NTRK2: variants seen among roughly 807,000 people sequenced by gnomAD.
NTRK2 encodes the protein neurotrophic receptor tyrosine kinase 2.
In NTRK2, 13 loss-of-function variants were observed where a neutral mutation model predicts 94.5. The ratio of observed to expected loss-of-function variants is 0.14; its 90% CI spans 0.09 to 0.22. The LOEUF is 0.22. Among genes scored for constraint, NTRK2 ranks in the 10% least tolerant of loss-of-function variants. NTRK2 has a pLI of 1.00. For synonymous variants in NTRK2, 372 were observed against 407.4 expected (o/e 0.91, Z 1.05); for missense variants, 639 against 1,071.2 (o/e 0.60, Z 5.63).
At chr9:84,856,889 A>T (rs1234430929) in intron 12 of NTRK2, among the ~76,000 whole-genome samples, 1 of 152,186 alleles carries the variant, frequency 6.6e-6, no homozygotes, top group Non-Finnish European at 1.5e-5. Context: ...TTTTTCTGAA[A>T]CTTAAAAATA....
At chr9:84,860,062 A>C (rs934130589) in intron 12 of NTRK2, among the ~76,000 whole-genome samples, 1 of 152,220 alleles carries the variant, frequency 6.6e-6, no homozygotes, top group Non-Finnish European at 1.5e-5. Flanking sequence ...TTGAGTGTGC[A>C]AAGTGCTTTT....
At chr9:84,683,977 G>C (rs990556045) in intron 2 of NTRK2, among the ~76,000 whole-genome samples, 32 of 152,042 alleles carry the variant, frequency 2.1e-4, no homozygotes, top group African/African-American at 7.2e-4. Context: ...TCATCTGTTT[G>C]TTGGCCACAT....
chr9:84,814,250 A>G, intron 12 of NTRK2: 1 of 1,065,306 alleles, frequency 9.4e-7, no homozygotes, highest in Non-Finnish European at 1.1e-6. Flanking sequence ...TAGGCCCAGA[A>G]TGGCTGAGGC....
chr9:84,888,888 AC>A (rs1326171539), intron 14 of NTRK2, among the ~76,000 whole-genome samples: 1 of 151,252 alleles, frequency 6.6e-6, no homozygotes, highest in Non-Finnish European at 1.5e-5. Context: ...AAGTCACACA[AC>A]CTGCTTTAGT....
intron 9 of NTRK2, among the ~76,000 whole-genome samples, chr9:84,740,674 A>G (rs907868953): frequency 6.6e-6 from 1 of 152,230 alleles, no homozygotes; most frequent in African/African-American, 2.4e-5. Context: ...CGAAGCATGC[A>G]CTATACAGCA....
intron 12 of NTRK2, among the ~76,000 whole-genome samples, chr9:84,786,436 C>T (rs35138510): frequency 0.026 from 3,945 of 152,170 alleles, 76 homozygotes; most frequent in Admixed American, 0.046. Flanking sequence ...AAATTTGCAG[C>T]GATCTTCAAG....
At chr9:84,917,901 A>G (rs1230029704) in intron 14 of NTRK2, among the ~76,000 whole-genome samples, 2 of 152,082 alleles carry the variant, frequency 1.3e-5, no homozygotes, top group Non-Finnish European at 2.9e-5. Flanking sequence ...CTTATTTCAC[A>G]CATCCTCATG....
At position 84,870,184 on chromosome 9, in the gene NTRK2, ATATAAG is replaced by A. The variant is rs1182380004; in HGVS notation, c.1633+2758_1633+2763del. 7.0e-5 allele frequency among the ~76,000 whole-genome samples: 10 copies of A among 142,726 alleles called. No homozygotes were observed. The East Asian group carries it at 2.0e-3, about 29-fold the overall frequency. The allele number at this position is 142,726 out of a possible 152,430, so 93.6% of individuals were successfully genotyped here. ...ACATGTACTGTATATATACACACAT[ATATAAG>A]TATATGTACATATACCTATATGCAC... On this transcript the variant is annotated intron_variant, in intron 14 of 18. Coordinates refer to ENST00000277120, the MANE Select transcript of NTRK2 (RefSeq NM_006180.6).
At chr9:84,899,870 C>T (rs988096635) in intron 14 of NTRK2, among the ~76,000 whole-genome samples, 1 of 152,190 alleles carries the variant, frequency 6.6e-6, no homozygotes, top group Non-Finnish European at 1.5e-5. Context: ...TACTAGTTCC[C>T]TATGGGGTGG....
rs143336147 is a variant in NTRK2, at chr9:84,836,386, T to G, written c.1397-24654T>G. 3.8e-3 allele frequency among the ~76,000 whole-genome samples: 571 copies of G among 151,808 alleles called. 9 individuals are homozygous for G. The highest frequency in any genetic ancestry group is 0.013 in the African/African-American group (536 of 41,366). On this transcript the variant is annotated intron_variant, in intron 12 of 18. Coordinates refer to ENST00000277120, the MANE Select transcript of NTRK2 (RefSeq NM_006180.6). ...CTGCAAGGAACTGAAACATCTTGAATGAGGGAGGATGCTCCTGAGTTGAAT... is the reference window on the plus strand; with the variant it reads ...CTGCAAGGAACTGAAACATCTTGAAGGAGGGAGGATGCTCCTGAGTTGAAT...
intron 14 of NTRK2, among the ~76,000 whole-genome samples, chr9:84,923,798 A>C (rs1488728823): frequency 4.6e-5 from 7 of 152,016 alleles, no homozygotes; most frequent in Non-Finnish European, 2.9e-5. Flanking sequence ...CACCTAAAAA[A>C]TCCCAATTAC....
chr9:84,673,511 G>T (rs982670527), intron 2 of NTRK2, among the ~76,000 whole-genome samples: 2 of 152,044 alleles, frequency 1.3e-5, no homozygotes, highest in African/African-American at 4.8e-5. Context: ...GAAATAATGT[G>T]GTGAATAAAC....
intron 13 of NTRK2, among the ~76,000 whole-genome samples, chr9:84,863,927 T>C (rs1166260863): frequency 6.6e-6 from 1 of 152,216 alleles, no homozygotes; most frequent in Non-Finnish European, 1.5e-5. Context: ...AAACAAGAGC[T>C]CATTCCCTTG....
intron 14 of NTRK2, among the ~76,000 whole-genome samples, chr9:84,909,769 A>T (rs1298168788): frequency 6.6e-6 from 1 of 151,602 alleles, no homozygotes; most frequent in East Asian, 1.9e-4. Flanking sequence ...TCATCTTCTA[A>T]TTGGATTGTT....
chr9:84,934,346 A>C (rs1356374085), intron 15 of NTRK2, 54 bp downstream of exon 15: 2 of 1,593,022 alleles, frequency 1.3e-6, no homozygotes, highest in Admixed American at 1.7e-5. Flanking sequence ...TACGTGTGGA[A>C]ATTTAACTCT....
At chr9:84,933,666 A>G (rs1429381338) in intron 14 of NTRK2, among the ~76,000 whole-genome samples, 1 of 152,206 alleles carries the variant, frequency 6.6e-6, no homozygotes, top group Non-Finnish European at 1.5e-5. Flanking sequence ...AGGTGAGGCC[A>G]AAACCTTAAT....
chr9:85,018,729 C>T (rs1487387036), intron 17 of NTRK2, among the ~76,000 whole-genome samples: 5 of 152,198 alleles, frequency 3.3e-5, no homozygotes, highest in Non-Finnish European at 5.9e-5. Flanking sequence ...ACACTGATTG[C>T]AGTTTGAGTA....
intron 14 of NTRK2, 121 bp from the exon 15 acceptor site, chr9:84,934,041 A>G (rs2078130923): frequency 9.2e-7 from 1 of 1,083,480 alleles, no homozygotes; most frequent in Non-Finnish European, 1.4e-6. Flanking sequence ...TCTTCGGTTC[A>G]CTGTGCACAG....
At position 84,882,719 on chromosome 9, in the gene NTRK2, T is replaced by TGTGTGCGCGCGCGCGC. The variant is rs761042296; in HGVS notation, c.1633+15289_1633+15290insTGTGCGCGCGCGCGCG. Among the ~76,000 whole-genome samples, 854 of 145,694 alleles carry TGTGTGCGCGCGCGCGC rather than the reference T, an allele frequency of 5.9e-3. 6 individuals are homozygous for TGTGTGCGCGCGCGCGC. The highest frequency in any genetic ancestry group is 0.012 in the African/African-American group (439 of 37,898). On this transcript the variant is annotated intron_variant, in intron 14 of 18. Coordinates refer to ENST00000277120, the MANE Select transcript of NTRK2 (RefSeq NM_006180.6). ...TCTAGTGTGTGTGTGTGTGTGTGTG[T>TGTGTGCGCGCGCGCGC]GCGCGCGCGCGCGCATGTGTGCATT...
Sources: allele counts gnomAD v4.1 joint callset (sites outside exome capture counted in the v4.1 genomes callset), GRCh38; gene constraint gnomAD v4.1.1; transcripts MANE v1.5; gene names NCBI Gene and HGNC (gene_info 2026-07-23, HGNC 2026-07-21).